SLC35B2: variants seen among roughly 807,000 people sequenced by gnomAD.
The protein encoded by SLC35B2 is adenosine 3'-phospho 5'-phosphosulfate transporter 1.
A neutral mutation model predicts 37.9 loss-of-function variants in SLC35B2; 19 were observed. That is an observed-to-expected ratio of 0.50 (90% confidence interval 0.35 to 0.74). The LOEUF (loss-of-function observed/expected upper bound fraction) is 0.74. Among genes scored for constraint, SLC35B2 ranks in the 30% least tolerant of loss-of-function variants. The pLI is 0.01. For synonymous variants in SLC35B2, 277 were observed against 225.2 expected (o/e 1.23, Z -2.06); for missense variants, 633 against 547.6 (o/e 1.16, Z -1.56).
At chr6:44,257,374 G>A (rs1022405306) in intron 1 of SLC35B2, 26 bp downstream of exon 1, 1 of 1,321,812 alleles carries the variant, frequency 7.6e-7, no homozygotes, top group Non-Finnish European at 9.7e-7. Flanking sequence ...TCGGTCACGT[G>A]AGCTCGCTGC....
At chr6:44,257,051 G>A in intron 1 of SLC35B2, 173 bp from the exon 2 acceptor site, 1 of 767,532 alleles carries the variant, frequency 1.3e-6, no homozygotes, top group Non-Finnish European at 2.0e-6. Context: ...GGGTGCGCCG[G>A]CGCTGGCCAG....
At chr6:44,257,090 A>G in intron 1 of SLC35B2, 1 of 582,680 alleles carries the variant, frequency 1.7e-6, no homozygotes. Context: ...CCGGGGGCGG[A>G]TCCGCCCCTC....
Position 44,256,837 on chromosome 6 carries a change from C to T in SLC35B2, c.53G>A (p.Gly18Glu), listed in dbSNP as rs1781565905. Residue 18 changes from glycine (G) to glutamate (E), a missense_variant, in exon 2 of 4, where the codon GGG becomes GAG. Transcript: ENST00000393812. ...GGCTTCGGGAGTCTCCCCACCTGCCCCTAGGGAGGGGAACGCAGCCAGCAC... is the reference window on the plus strand; with the variant it reads ...GGCTTCGGGAGTCTCCCCACCTGCCTCTAGGGAGGGGAACGCAGCCAGCAC... ...VVVLAAFPSL[G>E]AGGETPEAPP... The T allele has an allele frequency of 6.2e-7, 1 of 1,611,876 alleles. No homozygotes were observed.
chr6:44,257,517 G>A lies in SLC35B2; in HGVS notation c.-107C>T, dbSNP rs1781703381. ...TCCAGGAGCGGCCAGCGAGCCAGCG[G>A]CCAGCGGAAGTGCCGCGCTCTTCCC... is the stretch of plus-strand genomic sequence containing the variant. On this transcript the variant is annotated 5_prime_UTR_variant, in exon 1 of 4. Coordinates refer to ENST00000393812, the MANE Select transcript of SLC35B2 (RefSeq NM_178148.4). 1 of 1,103,984 alleles carries A rather than the reference G, an allele frequency of 9.1e-7. No homozygotes were observed. Among genetic ancestry groups the A allele is most frequent in the South Asian group, 4.6e-5 (1 of 21,924 alleles). 68.4% of individuals were successfully genotyped at this position (1,103,984 alleles called of 1,614,324 possible). A position where few individuals can be genotyped will look rare whatever the true frequency, so the allele number is the denominator to read the frequency against.
rs748837432 is a variant in SLC35B2 at position 44,254,910 on chromosome 6, G to A, written c.1095C>T (p.Ala365=). The change falls in exon 4 of 4, where the codon GCC becomes GCT. Residue 365 remains alanine, a synonymous_variant. Coordinates refer to ENST00000393812, the MANE Select transcript of SLC35B2 (RefSeq NM_178148.4). ...IFYTIGQFGA[A]VFTIIMTLRQ... Reference sequence around the variant, plus strand: ...GGAGGGTCATGATGATGGTGAAGACGGCAGCCCCAAACTGCCCAATGGTGT... The same window carrying A: ...GGAGGGTCATGATGATGGTGAAGACAGCAGCCCCAAACTGCCCAATGGTGT... 1.5e-5 allele frequency: 25 copies of A among 1,614,060 alleles called. No individual in the cohort carries two copies. The highest frequency in any genetic ancestry group is 6.7e-5 in the Admixed American group (4 of 60,002).
rs757813848 is a variant in SLC35B2, at chr6:44,254,741, C to CCTT, written c.1261_1263dup (p.Lys421dup). The CCTT allele has an allele frequency of 2.5e-6, 4 of 1,613,784 alleles. No homozygotes were observed. The highest frequency in any genetic ancestry group is 3.4e-6 in the Non-Finnish European group (4 of 1,179,736). ...TGCACAGGAGACTCAACAGGCACAG[C>CCTT]CTTCTTTCCCCGTTGCTTTAGACGG... is the stretch of plus-strand genomic sequence containing the variant. On this transcript the variant is annotated inframe_insertion, in exon 4 of 4. Transcript: ENST00000393812.
chr6:44,255,759 C>T, intron 3 of SLC35B2, 115 bp from the exon 4 acceptor site: 1 of 1,021,310 alleles, frequency 9.8e-7, no homozygotes, highest in South Asian at 1.7e-5. Flanking sequence ...AAAATATACA[C>T]TTTTTGGTTC....
At chr6:44,257,801 C>T (rs957388837), upstream of SLC35B2, 2 of 153,332 alleles carry the variant, frequency 1.3e-5, no homozygotes, top group Admixed American at 1.3e-4. Context: ...CATTGAGGCT[C>T]TGCATCCCAA....
chr6:44,254,139 A>C lies in SLC35B2; in HGVS notation c.*567T>G, dbSNP rs1338678494. On this transcript the variant is annotated 3_prime_UTR_variant, in exon 4 of 4. Transcript: ENST00000393812. ...TTTAATTTAATAAAATAAAATTATA[A>C]GAGCAAAAAGTTACATTTCTAAAGT... 9.2e-6 allele frequency: 2 copies of C among 218,106 alleles called. No individual in the cohort carries two copies. Among genetic ancestry groups the C allele is most frequent in the Non-Finnish European group, 1.9e-5 (2 of 106,592 alleles). 13.5% of individuals were successfully genotyped at this position (218,106 alleles called of 1,614,324 possible). A position where few individuals can be genotyped will look rare whatever the true frequency, so the allele number is the denominator to read the frequency against.
chr6:44,256,966 G>A, intron 1 of SLC35B2, 88 bp from the exon 2 acceptor site: 5 of 1,352,684 alleles, frequency 3.7e-6, no homozygotes, highest in Non-Finnish European at 4.9e-6. Context: ...AGTGCCCGGA[G>A]TCTCCTCCCC....
Position 44,254,786 on chromosome 6 carries a change from G to T in SLC35B2, c.1219C>A (p.Leu407Ile), listed in dbSNP as rs1427365041. 6.2e-7 allele frequency: 1 copy of T among 1,614,178 alleles called. No individual in the cohort carries two copies. The highest frequency in any genetic ancestry group is 8.5e-7 in the Non-Finnish European group (1 of 1,180,036). ...AGACGGCCCCGCGCGTAGACTCTGA[G>T]CAGGAGGGCAGCAAAGACCACAGCC... The part of the protein sequence containing the change: ...GVAVVFAALL[L>I]RVYARGRLKQ... Residue 407 changes from leucine to isoleucine, a missense_variant, in exon 4 of 4, where the codon CTC (leucine) becomes ATC (isoleucine). Physicochemically the swap from Leu to Ile is conservative, Grantham distance 5. Transcript: ENST00000393812.
intron 1 of SLC35B2, 62 bp downstream of exon 1, chr6:44,257,338 G>A (rs1781671216): frequency 1.5e-6 from 2 of 1,324,302 alleles, no homozygotes; most frequent in Non-Finnish European, 1.9e-6. Context: ...CCGTGCTGAG[G>A]CGCGGCAGTC....
rs542627400 is a variant in SLC35B2, at chr6:44,254,644, T to A, written c.*62A>T. Reference sequence around the variant, plus strand: ...CCTTTCAGCCAGCTCCCTCAGAGGTTACAGCAGAAGGGGATGGTGGGAGGG... The same window carrying A: ...CCTTTCAGCCAGCTCCCTCAGAGGTAACAGCAGAAGGGGATGGTGGGAGGG... On this transcript the variant is annotated 3_prime_UTR_variant, in exon 4 of 4. Coordinates refer to ENST00000393812, the MANE Select transcript of SLC35B2 (RefSeq NM_178148.4). The A allele has an allele frequency of 2.0e-6, 3 of 1,528,654 alleles. No homozygotes were observed. Among genetic ancestry groups the A allele is most frequent in the Middle Eastern group, 1.8e-4 (1 of 5,494 alleles). 94.7% of individuals were successfully genotyped at this position (1,528,654 alleles called of 1,614,324 possible).
Position 44,256,858 on chromosome 6 carries a change from A to G in SLC35B2, c.32T>C (p.Leu11Pro), listed in dbSNP as rs2153328347. 1.2e-6 allele frequency: 2 copies of G among 1,610,462 alleles called. No homozygotes were observed. The highest frequency in any genetic ancestry group is 4.5e-5 in the East Asian group (2 of 44,830). MDARWWAVVV[L>P]AAFPSLGAGG... ...TGCCCCTAGGGAGGGGAACGCAGCCAGCACCACCACTGCCCACCATCTGTA... is the reference window on the plus strand; with the variant it reads ...TGCCCCTAGGGAGGGGAACGCAGCCGGCACCACCACTGCCCACCATCTGTA... Residue 11 changes from leucine to proline, a missense_variant, in exon 2 of 4, where the codon CTG becomes CCG. Physicochemically the swap from Leu to Pro is moderately conservative, Grantham distance 98. Transcript: ENST00000393812.
Position 44,257,468 on chromosome 6 carries a change from G to GC in SLC35B2, c.-59dup. ...GGGAATGCGAGTCCCCGGGCCGCGC[G>GC]CCCCCTGCGCTCCCGCCGCCGCCTC... On this transcript the variant is annotated 5_prime_UTR_variant, in exon 1 of 4. Coordinates refer to ENST00000393812, the MANE Select transcript of SLC35B2 (RefSeq NM_178148.4). 1.6e-6 allele frequency: 2 copies of GC among 1,238,914 alleles called. No individual in the cohort carries two copies. Among genetic ancestry groups the GC allele is most frequent in the Non-Finnish European group, 1.0e-6 (1 of 984,316 alleles). 76.7% of individuals were successfully genotyped at this position (1,238,914 alleles called of 1,614,324 possible).
chr6:44,255,043 T>C lies in SLC35B2; in HGVS notation c.962A>G (p.Gln321Arg), dbSNP rs1466341912. Residue 321 changes from glutamine to arginine, a missense_variant, in exon 4 of 4, where the codon CAG becomes CGG. Physicochemically the swap from Gln to Arg is conservative, Grantham distance 43 (BLOSUM62 1). Coordinates refer to ENST00000393812, the MANE Select transcript of SLC35B2 (RefSeq NM_178148.4). ...CLFTVGSLLE[Q>R]GALLEGTRFM... ...GCGGGTTCCCTCCAGTAGGGCCCCCTGTTCTAGCAGTGAGCCCACTGTGAA... is the reference window on the plus strand; with the variant it reads ...GCGGGTTCCCTCCAGTAGGGCCCCCCGTTCTAGCAGTGAGCCCACTGTGAA... 2.5e-6 allele frequency: 4 copies of C among 1,614,066 alleles called. No individual in the cohort carries two copies. Among genetic ancestry groups the C allele is most frequent in the Admixed American group, 1.7e-5 (1 of 60,004 alleles).
Position 44,254,582 on chromosome 6 carries a change from G to T in SLC35B2, c.*124C>A. ...GGGCTCCCCAATCCCCTGCTGCAGA[G>T]CTGGTCTGTGATACTGAGAAAACAC... On this transcript the variant is annotated 3_prime_UTR_variant, in exon 4 of 4. Transcript: ENST00000393812. 1 of 1,118,854 alleles carries T rather than the reference G, an allele frequency of 8.9e-7. No individual in the cohort carries two copies. The highest frequency in any genetic ancestry group is 1.3e-6 in the Non-Finnish European group (1 of 788,956). The allele number at this position is 1,118,854 out of a possible 1,614,324, so 69.3% of individuals were successfully genotyped here. A position where few individuals can be genotyped will look rare whatever the true frequency, so the allele number is the denominator to read the frequency against.
In SLC35B2 at chr6:44,255,359, T is replaced by C; in HGVS notation, c.646A>G (p.Lys216Glu). 1.2e-6 allele frequency: 2 copies of C among 1,614,260 alleles called. No individual in the cohort carries two copies. The highest frequency in any genetic ancestry group is 2.2e-5 in the East Asian group (1 of 44,888). ...FVSFPTQVLA[K>E]ASKVIPVMLM... ...ATGACAGGGATCACCTTAGAGGCCTTGGCCAGCACCTGGGTGGGGAAGCTG... is the reference window on the plus strand; with the variant it reads ...ATGACAGGGATCACCTTAGAGGCCTCGGCCAGCACCTGGGTGGGGAAGCTG... Residue 216 changes from lysine to glutamate, a missense_variant, in exon 4 of 4, where the codon AAG becomes GAG. Coordinates refer to ENST00000393812, the MANE Select transcript of SLC35B2 (RefSeq NM_178148.4).
At chr6:44,257,554 C>T (rs1781707807), upstream of SLC35B2, 2 of 781,348 alleles carry the variant, frequency 2.6e-6, no homozygotes, top group South Asian at 1.3e-4. Flanking sequence ...CCTCCCTCCC[C>T]GCGGCCCCCT....
Sources: gnomAD v4.1 joint callset for allele counts on GRCh38, gnomAD v4.1.1 for gene constraint, MANE v1.5 for transcripts, NCBI Gene and HGNC (gene_info 2026-07-23, HGNC 2026-07-21) for gene names.